TSG101: variants seen among roughly 807,000 people sequenced by gnomAD.
The protein encoded by TSG101 is tumor susceptibility gene 101 protein.
TSG101 carries 19 observed loss-of-function variants against 48.5 expected under a neutral mutation model. That is an observed-to-expected ratio of 0.39 (90% confidence interval 0.27 to 0.58). TSG101 has a LOEUF of 0.58. Ranked by LOEUF, TSG101 falls within the 20% of genes least tolerant of loss-of-function variation. The probability of loss-of-function intolerance (pLI) is 0.55; values close to 1 mark genes in which losing one functional copy is unlikely to be tolerated. For missense variants in TSG101, 365 were observed against 484.4 expected (o/e 0.75, Z 2.31); for synonymous variants, 174 against 169.4 (o/e 1.03, Z -0.21).
chr11:18,483,113 G>A (rs1293256268), intron 8 of TSG101, among the ~76,000 whole-genome samples: 1 of 152,024 alleles, frequency 6.6e-6, no homozygotes, highest in South Asian at 2.1e-4. Context: ...TTCTATTCTC[G>A]TGATAGTAAG....
intron 7 of TSG101, among the ~76,000 whole-genome samples, chr11:18,499,876 T>C (rs1401412602): frequency 1.3e-5 from 2 of 152,178 alleles, no homozygotes; most frequent in Non-Finnish European, 2.9e-5. Flanking sequence ...GTCTTCTAGC[T>C]ATTCTGAAAT....
At chr11:18,487,560 T>A (rs1405990289) in intron 7 of TSG101, among the ~76,000 whole-genome samples, 1 of 152,188 alleles carries the variant, frequency 6.6e-6, no homozygotes. Context: ...AGAGAGGTAG[T>A]CTCACTATGT....
At chr11:18,526,573 C>T (rs1051933307) in intron 1 of TSG101, among the ~76,000 whole-genome samples, 2 of 152,260 alleles carry the variant, frequency 1.3e-5, no homozygotes, top group Non-Finnish European at 2.9e-5. Flanking sequence ...TGTCGCCGTC[C>T]CCCACCCTCC....
chr11:18,509,737 C>G, intron 4 of TSG101, 72 bp from the exon 5 acceptor site: 1 of 1,462,734 alleles, frequency 6.8e-7, no homozygotes, highest in Non-Finnish European at 9.1e-7. Flanking sequence ...TTAGCCATTT[C>G]TCATCGGTTT....
intron 1 of TSG101, among the ~76,000 whole-genome samples, chr11:18,521,842 A>G (rs183489412): frequency 2.6e-5 from 4 of 151,916 alleles, no homozygotes; most frequent in Admixed American, 2.0e-4. Context: ...GTGTTTGGCT[A>G]ATTTTTGTAT....
chr11:18,482,096 C>T (rs1849549934), intron 8 of TSG101, among the ~76,000 whole-genome samples: 1 of 152,196 alleles, frequency 6.6e-6, no homozygotes. Context: ...ACAGCACTTT[C>T]AGTGACAGTA....
rs570595360 is a variant in TSG101 at position 18,502,482 on chromosome 11, T to A, written c.640+4A>T. On this transcript the variant is annotated splice_donor_region_variant and intron_variant, in intron 7 of 9. Transcript: ENST00000251968. ...GTGAAACACAAGTTTTCAAGGGTAC[T>A]TACCAACAGTGGTCACAGGAGGCTG... 2.5e-6 allele frequency: 4 copies of A among 1,611,368 alleles called. No individual in the cohort carries two copies. The highest frequency in any genetic ancestry group is 3.4e-6 in the Non-Finnish European group (4 of 1,178,448).
intron 9 of TSG101, 26 bp downstream of exon 9, chr11:18,481,604 T>C: frequency 1.9e-6 from 3 of 1,602,140 alleles, no homozygotes; most frequent in Non-Finnish European, 2.6e-6. Flanking sequence ...AGTTAAAAAA[T>C]CTTGGAACGT....
intron 4 of TSG101, among the ~76,000 whole-genome samples, chr11:18,512,633 A>G (rs1161777328): frequency 6.6e-6 from 1 of 151,390 alleles, no homozygotes; most frequent in Non-Finnish European, 1.5e-5. Flanking sequence ...TAGAGAGTCT[A>G]TATATTATCT....
intron 4 of TSG101, among the ~76,000 whole-genome samples, chr11:18,513,883 T>C (rs1213055711): frequency 6.6e-6 from 1 of 152,134 alleles, no homozygotes; most frequent in Non-Finnish European, 1.5e-5. Flanking sequence ...GAGAACAGCC[T>C]CACCAACATG....
intron 7 of TSG101, among the ~76,000 whole-genome samples, chr11:18,484,535 G>A (rs750618050): frequency 2.0e-5 from 3 of 152,194 alleles, no homozygotes; most frequent in Non-Finnish European, 4.4e-5. Flanking sequence ...TTCCCTAAAC[G>A]AATGTACAGG....
At chr11:18,514,104 C>T (rs11606375) in intron 4 of TSG101, among the ~76,000 whole-genome samples, 29,890 of 151,306 alleles carry the variant, frequency 0.2, 3,082 homozygotes, top group East Asian at 0.25. Flanking sequence ...AAAAAGGAAT[C>T]AGTAAGTACC....
chr11:18,483,449 T>C (rs1045123786), intron 8 of TSG101, among the ~76,000 whole-genome samples: 5 of 145,028 alleles, frequency 3.4e-5, no homozygotes, highest in Admixed American at 7.1e-5. Context: ...TGAGCCAAGA[T>C]TGCACCACTT....
At chr11:18,486,953 T>C (rs1849628546) in intron 7 of TSG101, among the ~76,000 whole-genome samples, 1 of 151,270 alleles carries the variant, frequency 6.6e-6, no homozygotes, top group South Asian at 2.1e-4. Context: ...AAATGATGAG[T>C]TCATGTCCTT....
intron 7 of TSG101, 57 bp from the exon 8 acceptor site, chr11:18,484,129 C>T: frequency 6.3e-7 from 1 of 1,575,542 alleles, no homozygotes; most frequent in Non-Finnish European, 8.7e-7. Context: ...TTCTATTTGT[C>T]TCACAGGAAC....
chr11:18,525,566 T>C (rs1436791535), intron 1 of TSG101: 1 of 276,736 alleles, frequency 3.6e-6, no homozygotes, highest in Non-Finnish European at 5.2e-6. Flanking sequence ...AAAAAAAGAG[T>C]CATGGAACAG....
At chr11:18,484,451 T>A (rs1356829053) in intron 7 of TSG101, among the ~76,000 whole-genome samples, 1 of 152,198 alleles carries the variant, frequency 6.6e-6, no homozygotes, top group African/African-American at 2.4e-5. Flanking sequence ...AAGTCCAACA[T>A]CAGGCTTCGC....
intron 1 of TSG101, chr11:18,525,748 A>G: frequency 1.1e-6 from 1 of 873,784 alleles, no homozygotes; most frequent in South Asian, 5.3e-5. Context: ...AGCCTAAAAT[A>G]TACGATTACA....
intron 8 of TSG101, among the ~76,000 whole-genome samples, 173 bp from the exon 9 acceptor site, chr11:18,482,042 C>A (rs1849549070): frequency 1.3e-5 from 2 of 152,168 alleles, no homozygotes; most frequent in South Asian, 4.1e-4. Flanking sequence ...ATGTGATCTA[C>A]TATGCTGAGT....
Sources: gnomAD v4.1 joint callset for allele counts (sites outside exome capture counted in the v4.1 genomes callset) on GRCh38, gnomAD v4.1.1 for gene constraint, MANE v1.5 for transcripts, NCBI Gene and HGNC (gene_info 2026-07-23, HGNC 2026-07-21) for gene names.